Variants in AOC2 observed in about 807,000 individuals in gnomAD.
AOC2 encodes the protein amine oxidase copper containing 2.
Under a neutral mutation model 53.8 loss-of-function variants are expected in AOC2, and 57 were observed. That is an observed-to-expected ratio of 1.06 (90% CI 0.86 to 1.32). The LOEUF is 1.32. AOC2 is among the 40% of genes most tolerant of loss of function. AOC2 has a pLI of 0.00. For synonymous variants in AOC2, 404 were observed against 399.0 expected, an observed-to-expected ratio of 1.01 and a Z score of -0.15; for missense variants, 1,008 against 957.2, an observed-to-expected ratio of 1.05 and a Z score of -0.70.
In AOC2 at chr17:42,845,797, G is replaced by A; in HGVS notation, c.1171G>A (p.Gly391Ser). 6.2e-7 allele frequency: 1 copy of A among 1,614,182 alleles called. No homozygotes were observed. Among genetic ancestry groups the A allele is most frequent in the Non-Finnish European group, 8.5e-7 (1 of 1,180,038 alleles). Reference sequence around the variant, plus strand: ...CTTTGGACTCGGCCGTAACAGCCGAGGCTTGGTGCGGGGAGTGGACTGCCC... The same window carrying A: ...CTTTGGACTCGGCCGTAACAGCCGAAGCTTGGTGCGGGGAGTGGACTGCCC... The part of the protein sequence containing the change: ...SSFGLGRNSR[G>S]LVRGVDCPYQ... The change falls in exon 1 of 4, where the codon GGC becomes AGC. Residue 391 changes from glycine (G) to serine (S), a missense_variant. Gly to Ser is a moderately conservative substitution (Grantham distance 56). Transcript: ENST00000253799.
Position 42,844,765 on chromosome 17 carries a change from T to C in AOC2, c.139T>C (p.Trp47Arg), listed in dbSNP as rs751290754. Reference protein sequence around the residue: ...CPSVSHRAQPWPHPGQSQLFA... With the variant: ...CPSVSHRAQPRPHPGQSQLFA... ...CTCTGTATCCCATAGGGCCCAGCCC[T>C]GGCCACACCCTGGCCAGAGCCAGCT... Residue 47 changes from tryptophan to arginine, a missense_variant, in exon 1 of 4, where the codon TGG becomes CGG. Coordinates refer to ENST00000253799, the MANE Select transcript of AOC2 (RefSeq NM_009590.4). The C allele has an allele frequency of 6.2e-7, 1 of 1,614,206 alleles. No individual in the cohort carries two copies. The highest frequency in any genetic ancestry group is 2.2e-5 in the East Asian group (1 of 44,880).
Position 42,844,757 on chromosome 17 carries a change from C to T in AOC2, c.131C>T (p.Ala44Val), listed in dbSNP as rs1370049187. 1.2e-6 allele frequency: 2 copies of T among 1,614,242 alleles called. No individual in the cohort carries two copies. Among genetic ancestry groups the T allele is most frequent in the East Asian group, 2.2e-5 (1 of 44,882 alleles). The change falls in exon 1 of 4, where the codon GCC becomes GTC. Residue 44 changes from alanine (A) to valine (V), a missense_variant. Ala to Val is a moderately conservative substitution (Grantham distance 64). Transcript: ENST00000253799. ...PPHCPSVSHR[A>V]QPWPHPGQSQ... ...CACTGCCCCTCTGTATCCCATAGGG[C>T]CCAGCCCTGGCCACACCCTGGCCAG...
intron 1 of AOC2, among the ~76,000 whole-genome samples, chr17:42,846,870 A>C (rs2055603715): frequency 6.6e-6 from 1 of 152,234 alleles, no homozygotes; most frequent in Non-Finnish European, 1.5e-5. Context: ...AGACTTTGTC[A>C]AGGACAGAAA....
chr17:42,846,039 T>A lies in AOC2; in HGVS notation c.1413T>A (p.Phe471Leu). 1 of 1,612,110 alleles carries A rather than the reference T, an allele frequency of 6.2e-7. No individual in the cohort carries two copies. Residue 471 changes from phenylalanine to leucine, a missense_variant, in exon 1 of 4, where the codon TTT becomes TTA. Transcript: ENST00000253799. ...SVGNYDYIWD[F>L]VLYPNGALEG... ...GCAACTATGACTACATTTGGGACTT[T>A]GTGTTGTACCCAAATGGGGCACTTG...
intron 1 of AOC2, among the ~76,000 whole-genome samples, chr17:42,848,375 G>C (rs979928265): frequency 1.3e-4 from 19 of 151,478 alleles, no homozygotes; most frequent in Non-Finnish European, 2.8e-4. Flanking sequence ...GAAGCAAATT[G>C]GTCCAGGGAC....
chr17:42,846,362 G>T, intron 1 of AOC2, 148 bp downstream of exon 1: 1 of 885,758 alleles, frequency 1.1e-6, no homozygotes, highest in Non-Finnish European at 1.6e-6. Flanking sequence ...AACAGGGCAG[G>T]GACTGTTTGA....
At chr17:42,848,065 CTTTTT>C (rs61450612) in intron 1 of AOC2, among the ~76,000 whole-genome samples, 6 of 101,342 alleles carry the variant, frequency 5.9e-5, no homozygotes, top group African/African-American at 2.1e-4. Context: ...CATGCCCGGC[CTTTTT>C]TTTTTTTTTT....
chr17:42,844,626 C>T lies in AOC2; in HGVS notation c.-1C>T, dbSNP rs999476098. ...TCTGATTTCAGCTCTCAGCATCCAC[C>T]ATGCATCTCAAGATAGTCCTGGCGT... On this transcript the variant is annotated 5_prime_UTR_variant, in exon 1 of 4. Transcript: ENST00000253799. 6.2e-6 allele frequency: 10 copies of T among 1,602,490 alleles called. No individual in the cohort carries two copies. The highest frequency in any genetic ancestry group is 1.7e-5 in the Admixed American group (1 of 59,592).
rs141210244 is a variant in AOC2, at chr17:42,849,227, G to A, written c.1730G>A (p.Ser577Asn). The change falls in exon 2 of 4, where the codon AGC (serine) becomes AAC (asparagine). Residue 577 changes from serine to asparagine, a missense_variant. Ser to Asn is a conservative substitution (Grantham distance 46). Coordinates refer to ENST00000253799, the MANE Select transcript of AOC2 (RefSeq NM_009590.4). ...KEDLTAFSLGSPLPRYLYLAS... is the reference protein window; with the variant it reads ...KEDLTAFSLGNPLPRYLYLAS... ...GACCTGACAGCTTTTTCCTTGGGAA[G>A]CCCCCTACCCCGCTACCTCTACCTG... The A allele has an allele frequency of 1.4e-5, 22 of 1,614,054 alleles. No individual in the cohort carries two copies. The highest frequency in any genetic ancestry group is 2.7e-5 in the African/African-American group (2 of 74,922).
rs183574353 is a variant in AOC2 at position 42,850,387 on chromosome 17, A to G, written c.*39A>G. The G allele has an allele frequency of 5.4e-4, 835 of 1,532,416 alleles. 1 individual carries two copies. In the African/African-American group the frequency reaches 9.9e-3, roughly 18 times the overall value. 94.9% of individuals were successfully genotyped at this position (1,532,416 alleles called of 1,614,324 possible). A position where few individuals can be genotyped will look rare whatever the true frequency, so the allele number is the denominator to read the frequency against. ...GCGGGCGGCGTGGTTAGGCACATGTACTTTTCCCTGTTTCTACTTTCTATT... is the reference window on the plus strand; with the variant it reads ...GCGGGCGGCGTGGTTAGGCACATGTGCTTTTCCCTGTTTCTACTTTCTATT... On this transcript the variant is annotated 3_prime_UTR_variant, in exon 4 of 4. Coordinates refer to ENST00000253799, the MANE Select transcript of AOC2 (RefSeq NM_009590.4).
At chr17:42,848,524 A>AATATATATATATATATATATATATAT (rs71228780) in intron 1 of AOC2, among the ~76,000 whole-genome samples, 2 of 131,286 alleles carry the variant, frequency 1.5e-5, no homozygotes, top group African/African-American at 6.6e-5. Context: ...AGAGGAACTG[A>AATATATATATATATATATATATATAT]ATATATATAT....
At position 42,846,188 on chromosome 17, in the gene AOC2, A is replaced by G. The variant is rs1226372459; in HGVS notation, c.1562A>G (p.His521Arg). Residue 521 changes from histidine (H) to arginine (R), a missense_variant, in exon 1 of 4, where the codon CAC becomes CGC. Coordinates refer to ENST00000253799, the MANE Select transcript of AOC2 (RefSeq NM_009590.4). ...VLGTVHTHAFHFKLDLDVAGL... is the reference protein window; with the variant it reads ...VLGTVHTHAFRFKLDLDVAGL... ...GGAACGGTGCACACACATGCCTTCCACTTCAAGCTGGACCTGGATGTGGCA... is the reference window on the plus strand; with the variant it reads ...GGAACGGTGCACACACATGCCTTCCGCTTCAAGCTGGACCTGGATGTGGCA... 2.4e-5 allele frequency: 37 copies of G among 1,524,764 alleles called. No individual in the cohort carries two copies. The highest frequency in any genetic ancestry group is 3.3e-5 in the Non-Finnish European group (37 of 1,136,076). The allele number at this position is 1,524,764 out of a possible 1,614,324, so 94.5% of individuals were successfully genotyped here. A position where few individuals can be genotyped will look rare whatever the true frequency, so the allele number is the denominator to read the frequency against.
At position 42,844,815 on chromosome 17, in the gene AOC2, G is replaced by A. The variant is rs1282891767; in HGVS notation, c.189G>A (p.Glu63=). 11 of 1,613,970 alleles carry A rather than the reference G, an allele frequency of 6.8e-6. No individual in the cohort carries two copies. Among genetic ancestry groups the A allele is most frequent in the Non-Finnish European group, 8.5e-6 (10 of 1,179,870 alleles). Residue 63 remains glutamate, a synonymous_variant, in exon 1 of 4, where the codon GAG becomes GAA. Coordinates refer to ENST00000253799, the MANE Select transcript of AOC2 (RefSeq NM_009590.4). ...TGTTTGCAGACCTGAGCCGAGAGGA[G>A]TTGACAGCTGTGATGCGCTTTCTGA... ...SQLFADLSRE[E]LTAVMRFLTQ...
chr17:42,846,157 G>A lies in AOC2; in HGVS notation c.1531G>A (p.Val511Met), dbSNP rs562935559. The A allele has an allele frequency of 6.4e-7, 1 of 1,556,962 alleles. No individual in the cohort carries two copies. The highest frequency in any genetic ancestry group is 1.2e-5 in the South Asian group (1 of 81,178). ...LLFGNRVGER[V>M]LGTVHTHAFH... is the part of the protein sequence containing the mutation. The stretch of plus-strand genomic sequence containing the variant: ...CTTTGGGAACCGTGTGGGGGAAAGA[G>A]TGCTGGGAACGGTGCACACACATGC... The change falls in exon 1 of 4, where the codon GTG (valine) becomes ATG (methionine). Residue 511 changes from valine (V) to methionine (M), a missense_variant. By Grantham distance (21) the Val-to-Met change is conservative. Transcript: ENST00000253799.
chr17:42,850,250 C>T lies in AOC2; in HGVS notation c.2173C>T (p.Gln725Ter). Residue 725 changes from glutamine (Q) to a stop codon, truncating the protein, a stop_gained, in exon 4 of 4, where the codon CAG becomes TAG. Transcript: ENST00000253799. LOFTEE classifies it low-confidence loss of function (END_TRUNC). ...SPGSVYFEKG[Q>*]DAGLCSINPV... is the part of the protein sequence containing the mutation. ...TGGCAGTGTCTACTTTGAGAAGGGCCAGGATGCTGGGCTCTGCAGCATCAA... is the reference window on the plus strand; with the variant it reads ...TGGCAGTGTCTACTTTGAGAAGGGCTAGGATGCTGGGCTCTGCAGCATCAA... The T allele has an allele frequency of 2.5e-6, 4 of 1,614,208 alleles. No individual in the cohort carries two copies. Among genetic ancestry groups the T allele is most frequent in the Non-Finnish European group, 3.4e-6 (4 of 1,180,030 alleles).
chr17:42,849,004 G>A (rs903081262), intron 1 of AOC2, 82 bp from the exon 2 acceptor site: 2 of 1,411,450 alleles, frequency 1.4e-6, no homozygotes, highest in South Asian at 1.4e-5. Context: ...CACCAGTGCA[G>A]TGGACATCAT....
chr17:42,850,583 ACTC>A lies in AOC2; in HGVS notation c.*236_*238del, dbSNP rs775467483. 359 of 433,122 alleles carry A rather than the reference ACTC, an allele frequency of 8.3e-4. No individual in the cohort carries two copies. Among genetic ancestry groups the A allele is most frequent in the Non-Finnish European group, 1.2e-3 (313 of 250,676 alleles). The allele number at this position is 433,122 out of a possible 1,614,324, so 26.8% of individuals were successfully genotyped here. On this transcript the variant is annotated 3_prime_UTR_variant, in exon 4 of 4. Coordinates refer to ENST00000253799, the MANE Select transcript of AOC2 (RefSeq NM_009590.4). ...AAAGAAAAATATCACAAATCCTACTACTCAGAAATAGGTGGTCACATTACATCA... is the reference window on the plus strand; with the variant it reads ...AAAGAAAAATATCACAAATCCTACTAAGAAATAGGTGGTCACATTACATCA...
chr17:42,845,188 C>T lies in AOC2; in HGVS notation c.562C>T (p.Pro188Ser). 3.1e-6 allele frequency: 5 copies of T among 1,613,856 alleles called. No homozygotes were observed. The highest frequency in any genetic ancestry group is 1.7e-4 in the Middle Eastern group (1 of 6,060). The change falls in exon 1 of 4, where the codon CCC becomes TCC. Residue 188 changes from proline (P) to serine (S), a missense_variant. Physicochemically the swap from Pro to Ser is moderately conservative, Grantham distance 74 (BLOSUM62 -1). Transcript: ENST00000253799. ...GAAAGAGGTGGAGCTACCCAAGGCA[C>T]CCATCTTCCTGTCGTCCACCTTCAA... ...HLKEVELPKA[P>S]IFLSSTFNYN...
chr17:42,844,855 C>A lies in AOC2; in HGVS notation c.229C>A (p.Pro77Thr). The part of the protein sequence containing the change: ...VMRFLTQRLG[P>T]GLVDAAQAQP... The stretch of plus-strand genomic sequence containing the variant: ...GCGCTTTCTGACCCAGCGGCTGGGG[C>A]CAGGGCTGGTGGACGCAGCCCAGGC... The change falls in exon 1 of 4, where the codon CCA becomes ACA. Residue 77 changes from proline (P) to threonine (T), a missense_variant. By Grantham distance (38) the Pro-to-Thr change is conservative (BLOSUM62 -1). Coordinates refer to ENST00000253799, the MANE Select transcript of AOC2 (RefSeq NM_009590.4). The A allele has an allele frequency of 6.2e-7, 1 of 1,611,586 alleles. No individual in the cohort carries two copies. Among genetic ancestry groups the A allele is most frequent in the Non-Finnish European group, 8.5e-7 (1 of 1,178,560 alleles).
Sources: allele counts gnomAD v4.1 joint callset (sites outside exome capture counted in the v4.1 genomes callset), GRCh38; gene constraint gnomAD v4.1.1; transcripts MANE v1.5; gene names NCBI Gene and HGNC (gene_info 2026-07-23, HGNC 2026-07-21).